Variants in GRIP1 observed in about 807,000 individuals in gnomAD.
GRIP1 encodes glutamate receptor interacting protein 1.
A neutral mutation model predicts 129.9 loss-of-function variants in GRIP1; 45 were observed. The observed-to-expected ratio is 0.35, with a 90% CI of 0.27 to 0.44. The LOEUF (loss-of-function observed/expected upper bound fraction) is 0.44, where lower values mean the gene tolerates loss of function less well. GRIP1 is among the 20% of genes least tolerant of loss of function. GRIP1 has a pLI of 1.00. For missense variants in GRIP1, 1,196 were observed against 1,396.8 expected, an observed-to-expected ratio of 0.86 and a Z score of 2.29; for synonymous variants, 530 against 520.8, an observed-to-expected ratio of 1.02 and a Z score of -0.24.
intron 1 of GRIP1, among the ~76,000 whole-genome samples, chr12:66,835,648 A>G (rs1298945823): frequency 6.6e-6 from 1 of 152,248 alleles, no homozygotes; most frequent in African/African-American, 2.4e-5. Flanking sequence ...AAAAAAGCCA[A>G]TCCCAAAAGG....
At chr12:66,372,018 G>T in intron 22 of GRIP1, 91 bp from the exon 23 acceptor site, 1 of 854,436 alleles carries the variant, frequency 1.2e-6, no homozygotes, top group Non-Finnish European at 1.9e-6. Flanking sequence ...CCTTCTGCGA[G>T]GTAAAAATAC....
At chr12:66,937,801 G>A (rs1350208374) in intron 1 of GRIP1, among the ~76,000 whole-genome samples, 2 of 152,044 alleles carry the variant, frequency 1.3e-5, no homozygotes, top group Non-Finnish European at 2.9e-5. Flanking sequence ...TACAATAATT[G>A]ACAAAAGTGA....
At chr12:66,760,224 G>C (rs772271101) in intron 1 of GRIP1, among the ~76,000 whole-genome samples, 1 of 151,990 alleles carries the variant, frequency 6.6e-6, no homozygotes, top group Non-Finnish European at 1.5e-5. Flanking sequence ...ACATTTTCCT[G>C]TCTTCTTCTG....
At chr12:66,804,713 C>T (rs960275174), upstream of GRIP1, among the ~76,000 whole-genome samples, 4 of 152,162 alleles carry the variant, frequency 2.6e-5, no homozygotes, top group Non-Finnish European at 5.9e-5. Context: ...ACCTGCTAAT[C>T]CAACACCCTA....
chr12:66,922,252 C>T (rs1192542839), intron 1 of GRIP1, among the ~76,000 whole-genome samples: 4 of 152,046 alleles, frequency 2.6e-5, no homozygotes, highest in Admixed American at 2.6e-4. Context: ...CATCAGTAAC[C>T]CCCAAAGCAA....
chr12:66,881,022 CCAGGTGTCT>C (rs912431244), intron 1 of GRIP1, among the ~76,000 whole-genome samples: 1 of 151,058 alleles, frequency 6.6e-6, no homozygotes. Flanking sequence ...CTTTCAAATA[CCAGGTGTCT>C]CAGGTAAGTA....
chr12:66,808,473 TTTTG>T (rs529277448), upstream of GRIP1, among the ~76,000 whole-genome samples: 85 of 151,856 alleles, frequency 5.6e-4, no homozygotes, highest in African/African-American at 1.5e-3. Flanking sequence ...ACTTTTTGTG[TTTTG>T]TTTGTTTGTT....
chr12:66,450,218 G>T (rs11176187), intron 11 of GRIP1, among the ~76,000 whole-genome samples: 9,167 of 146,170 alleles, frequency 0.063, 767 homozygotes, highest in African/African-American at 0.19. Context: ...GCAGCAGAAT[G>T]GCGTGAACCC....
intron 7 of GRIP1, among the ~76,000 whole-genome samples, chr12:66,468,102 A>C (rs776493804): frequency 1.3e-5 from 2 of 152,220 alleles, no homozygotes; most frequent in Non-Finnish European, 2.9e-5. Context: ...CCAGTTAAGA[A>C]CCACATTTCC....
In GRIP1 at chr12:66,975,843, C is replaced by T. The variant is rs547314166; in HGVS notation, c.58+93207G>A. ...AGTCAATGGACACAGATGAATGATA[C>T]ATTCTGAGGCAGTCAGAGCACAGCT... On this transcript the variant is annotated intron_variant, in intron 1 of 1. Coordinates refer to the GRIP1 transcript ENST00000643019. Among the ~76,000 whole-genome samples the T allele has an allele frequency of 1.1e-4, 17 of 152,262 alleles. 1 individual carries two copies. Among genetic ancestry groups the T allele is most frequent in the Middle Eastern group, 6.8e-3 (2 of 294 alleles).
At chr12:66,769,139 T>C (rs183688549) in intron 1 of GRIP1, among the ~76,000 whole-genome samples, 1 of 152,278 alleles carries the variant, frequency 6.6e-6, no homozygotes, top group Admixed American at 6.5e-5. Context: ...AGTTCTCAGG[T>C]GATGCGGATG....
chr12:66,396,843 G>GC (rs1335716739), intron 16 of GRIP1, among the ~76,000 whole-genome samples: 2 of 152,106 alleles, frequency 1.3e-5, no homozygotes, highest in Non-Finnish European at 2.9e-5. Context: ...AGGTGCAGTG[G>GC]CTCACACCTG....
chr12:66,434,840 G>C (rs560042084), intron 13 of GRIP1, among the ~76,000 whole-genome samples: 29 of 152,370 alleles, frequency 1.9e-4, no homozygotes, highest in African/African-American at 6.7e-4. Flanking sequence ...AGTCAGCAGA[G>C]AGAAGGAAGA....
At chr12:66,877,315 A>G (rs2137176328) in intron 1 of GRIP1, among the ~76,000 whole-genome samples, 1 of 152,192 alleles carries the variant, frequency 6.6e-6, no homozygotes, top group Non-Finnish European at 1.5e-5. Flanking sequence ...TTTGTATTTC[A>G]GTCAGGGTGT....
chr12:66,429,387 G>A (rs1196072934), intron 14 of GRIP1, among the ~76,000 whole-genome samples: 1 of 152,162 alleles, frequency 6.6e-6, no homozygotes, highest in Admixed American at 6.6e-5. Context: ...ACTAGATTTT[G>A]TGGGCTGGAG....
chr12:66,731,304 T>C (rs995920968), intron 1 of GRIP1, among the ~76,000 whole-genome samples: 12 of 152,232 alleles, frequency 7.9e-5, no homozygotes, highest in African/African-American at 2.9e-4. Context: ...GCTGGTATTA[T>C]AACACATTGG....
intron 1 of GRIP1, among the ~76,000 whole-genome samples, chr12:66,844,017 G>A (rs1481988187): frequency 2.0e-5 from 3 of 152,120 alleles, no homozygotes. Context: ...TGAAAAGTCA[G>A]CCTTTGGAAT....
intron 1 of GRIP1, among the ~76,000 whole-genome samples, chr12:66,651,325 T>C (rs371659045): frequency 6.6e-6 from 1 of 152,214 alleles, no homozygotes; most frequent in African/African-American, 2.4e-5. Context: ...ACTGGAATCA[T>C]CTGTAGAGCT....
rs186085078 is a variant in GRIP1, at chr12:66,734,326, G to A, written c.-420+69727C>T. Among the ~76,000 whole-genome samples the A allele has an allele frequency of 1.3e-3, 191 of 152,302 alleles. 1 individual carries two copies. The highest frequency in any genetic ancestry group is 4.6e-3 in the African/African-American group (190 of 41,564). On this transcript the variant is annotated intron_variant, in intron 1 of 4. Transcript: ENST00000538373. The stretch of plus-strand genomic sequence containing the variant: ...TCCTTGCTTCTGACAAATTGGAAGA[G>A]AACCTGTACTGTGCTTCCTTGAAAC...
Sources: allele counts gnomAD v4.1 joint callset (sites outside exome capture counted in the v4.1 genomes callset), GRCh38; gene constraint gnomAD v4.1.1; transcripts MANE v1.5; gene names NCBI Gene and HGNC (gene_info 2026-07-23, HGNC 2026-07-21).